The following MBD6 variants were observed in gnomAD, a reference collection of about 807,000 sequenced individuals.
MBD6 encodes the protein methyl-CpG binding domain protein 6.
In MBD6, 22 loss-of-function variants were observed where a neutral mutation model predicts 66.8. That is an observed-to-expected ratio of 0.33 (90% CI 0.24 to 0.47). The LOEUF (loss-of-function observed/expected upper bound fraction) is 0.47. Among genes scored for constraint, MBD6 ranks in the 20% least tolerant of loss-of-function variants. The pLI is 1.00. For synonymous variants in MBD6, 540 were observed against 534.6 expected (o/e 1.01, Z -0.14); for missense variants, 1,322 against 1,286.9 (o/e 1.03, Z -0.42).
At chr12:57,522,228 G>C (rs529968691), upstream of MBD6, among the ~76,000 whole-genome samples, 1 of 152,320 alleles carries the variant, frequency 6.6e-6, no homozygotes, top group Non-Finnish European at 1.5e-5. Flanking sequence ...CTGAAAATGG[G>C]GGTAGTGTGG....
Position 57,527,955 on chromosome 12 carries a change from G to C in MBD6, c.2344G>C (p.Gly782Arg). The change falls in exon 9 of 13, where the codon GGA becomes CGA. Residue 782 changes from glycine to arginine, a missense_variant. Gly to Arg is a moderately radical substitution (Grantham distance 125). Coordinates refer to ENST00000355673, the MANE Select transcript of MBD6 (RefSeq NM_052897.4). ...GGGGCTGCAGCTCCTCCCTGGGGGG[G>C]GAGCTCCTCCACCCCTCTCAGAGGC... ...QLGLQLLPGGGAPPPLSEASS... is the reference protein window; with the variant it reads ...QLGLQLLPGGRAPPPLSEASS... 1.9e-6 allele frequency: 3 copies of C among 1,595,074 alleles called. No homozygotes were observed. Among genetic ancestry groups the C allele is most frequent in the Non-Finnish European group, 2.6e-6 (3 of 1,172,412 alleles).
chr12:57,527,405 C>T (rs1284605), intron 7 of MBD6, 102 bp from the exon 8 acceptor site: 212,912 of 1,406,272 alleles, frequency 0.15, 17,289 homozygotes, highest in African/African-American at 0.23. Flanking sequence ...ATAAGCATGG[C>T]CTATCTCACT....
At position 57,526,140 on chromosome 12, in the gene MBD6, C is replaced by A. The variant is rs1214578069; in HGVS notation, c.1172C>A (p.Ala391Asp). Residue 391 changes from alanine to aspartate, a missense_variant, in exon 6 of 13, where the codon GCC becomes GAC. Transcript: ENST00000355673. ...ACCCCTAGACGGAGCCGTCCTCGGGCCCCTGCTCCTGTCCCCCAACCCTTT... is the reference window on the plus strand; with the variant it reads ...ACCCCTAGACGGAGCCGTCCTCGGGACCCTGCTCCTGTCCCCCAACCCTTT... ...PQTPRRSRPR[A>D]PAPVPQPFSL... 1.9e-6 allele frequency: 3 copies of A among 1,614,058 alleles called. No homozygotes were observed. Among genetic ancestry groups the A allele is most frequent in the South Asian group, 2.2e-5 (2 of 91,088 alleles).
rs149288193 is a variant in MBD6, at chr12:57,524,988, G to T, written c.252G>T (p.Pro84=). The change falls in exon 5 of 13, where the codon CCG becomes CCT. Residue 84 remains proline, a synonymous_variant. Coordinates refer to ENST00000355673, the MANE Select transcript of MBD6 (RefSeq NM_052897.4). ...TTGACCCTTTGGCCCCGGTGACCCCGGGTGGGGCTGGGGTGGGGCCAGCAT... is the reference window on the plus strand; with the variant it reads ...TTGACCCTTTGGCCCCGGTGACCCCTGGTGGGGCTGGGGTGGGGCCAGCAT... The part of the protein sequence containing the change: ...FNFDPLAPVT[P]GGAGVGPASE... The T allele has an allele frequency of 1.9e-6, 3 of 1,607,676 alleles. No individual in the cohort carries two copies. The highest frequency in any genetic ancestry group is 1.1e-5 in the South Asian group (1 of 90,714).
At chr12:57,524,522 C>G in intron 3 of MBD6, 106 bp downstream of exon 3, 1 of 1,152,732 alleles carries the variant, frequency 8.7e-7, no homozygotes, top group Non-Finnish European at 1.3e-6. Flanking sequence ...TTGCTCTCCT[C>G]TCTTCCCCTT....
Position 57,529,435 on chromosome 12 carries a change from C to CCA in MBD6, c.*202_*203insAC. 1 of 546,882 alleles carries CCA rather than the reference C, an allele frequency of 1.8e-6. No individual in the cohort carries two copies. The allele number at this position is 546,882 out of a possible 1,614,324, so 33.9% of individuals were successfully genotyped here. A position where few individuals can be genotyped will look rare whatever the true frequency, so the allele number is the denominator to read the frequency against. On this transcript the variant is annotated 3_prime_UTR_variant, in exon 13 of 13. Transcript: ENST00000355673. ...GGAAGTTCACCCCCCCCCACCACCC[C>CCA]CCCGCCCCCCCGAAGCCATGTCACT...
At chr12:57,522,767 G>GGCGGCGGCGGCGGCGGCGGCGGCGGCA (rs1389950261), upstream of MBD6, 1 of 158,468 alleles carries the variant, frequency 6.3e-6, no homozygotes, top group Admixed American at 6.6e-5. Flanking sequence ...CGACGGCGGC[G>GGCGGCGGCGGCGGCGGCGGCGGCGGCA]GCGGCAGCGG....
In MBD6 at chr12:57,529,244, C is replaced by G. The variant is rs376318609; in HGVS notation, c.*10C>G. ...GAAACTGGCCCCATAGCAGCCATACCTGGAGCTGGATCTGACCCTGATTGG... is the reference window on the plus strand; with the variant it reads ...GAAACTGGCCCCATAGCAGCCATACGTGGAGCTGGATCTGACCCTGATTGG... On this transcript the variant is annotated 3_prime_UTR_variant, in exon 13 of 13. Coordinates refer to ENST00000355673, the MANE Select transcript of MBD6 (RefSeq NM_052897.4). 5.6e-6 allele frequency: 9 copies of G among 1,613,894 alleles called. No homozygotes were observed. Among genetic ancestry groups the G allele is most frequent in the Non-Finnish European group, 7.6e-6 (9 of 1,179,974 alleles).
Position 57,525,789 on chromosome 12 carries a change from CGAGCAATAATCTCCCCG to C in MBD6, c.822_838del (p.Ser275ProfsTer41). On this transcript the variant is annotated frameshift_variant, in exon 6 of 13. Coordinates refer to ENST00000355673, the MANE Select transcript of MBD6 (RefSeq NM_052897.4). LOFTEE classifies it high-confidence loss of function. Reference sequence around the variant, plus strand: ...GCCTTAACACCCCCTCCCCTGCCCCCGAGCAATAATCTCCCCGCCCACCCTGGTCCTGCCTCTCAGCC... The same window carrying C: ...GCCTTAACACCCCCTCCCCTGCCCCCCCCACCCTGGTCCTGCCTCTCAGCC... The C allele has an allele frequency of 1.2e-6, 2 of 1,611,722 alleles. No homozygotes were observed. The highest frequency in any genetic ancestry group is 1.1e-5 in the South Asian group (1 of 90,944).
At chr12:57,524,528 C>T (rs764737534) in intron 3 of MBD6, 112 bp downstream of exon 3, 25 of 1,122,900 alleles carry the variant, frequency 2.2e-5, no homozygotes, top group Middle Eastern at 2.0e-4. Flanking sequence ...TCCTCTCTTC[C>T]CCTTCCTTCC....
At chr12:57,522,749 T>TGCG (rs1878459098), upstream of MBD6, 2 of 66,026 alleles carry the variant, frequency 3.0e-5, no homozygotes, top group Non-Finnish European at 6.1e-5. Context: ...CGGCGGCGGC[T>TGCG]GCGGCAGCGA....
At position 57,525,352 on chromosome 12, in the gene MBD6, G is replaced by A. The variant is rs757512683; in HGVS notation, c.384G>A (p.Glu128=). 9.6e-6 allele frequency: 15 copies of A among 1,563,570 alleles called. No individual in the cohort carries two copies. In the South Asian group the frequency reaches 1.6e-4, roughly 17 times the overall value. ...TTCATTTTTCATTTATTGCAGGAGA[G>A]GGAGCGAGCCCCCAAATGTTCCACA... ...ETTCSHSSPG[E]GASPQMFHTV... Residue 128 remains glutamate, a synonymous_variant, in exon 6 of 13, where the codon GAG becomes GAA. Coordinates refer to ENST00000355673, the MANE Select transcript of MBD6 (RefSeq NM_052897.4).
chr12:57,524,360 A>G lies in MBD6; in HGVS notation c.57A>G (p.Thr19=). The stretch of plus-strand genomic sequence containing the variant: ...ACAGAGCTGGGGGCCCTGTGGCCAC[A>G]TCTGTCCCCATCGGCTGGCAGCGCT... ...GADRAGGPVA[T]SVPIGWQRCV... is the part of the protein sequence containing the mutation. The change falls in exon 3 of 13, where the codon ACA becomes ACG. Residue 19 remains threonine, a synonymous_variant. Coordinates refer to ENST00000355673, the MANE Select transcript of MBD6 (RefSeq NM_052897.4). 1 of 1,600,092 alleles carries G rather than the reference A, an allele frequency of 6.2e-7. No homozygotes were observed. Among genetic ancestry groups the G allele is most frequent in the Non-Finnish European group, 8.5e-7 (1 of 1,173,232 alleles).
rs1394091323 is a variant in MBD6 at position 57,526,890 on chromosome 12, G to T, written c.1745G>T (p.Gly582Val). 1.9e-6 allele frequency: 3 copies of T among 1,613,402 alleles called. No individual in the cohort carries two copies. In the African/African-American group the frequency reaches 4.0e-5, roughly 22 times the overall value. Residue 582 changes from glycine (G) to valine (V), a missense_variant, in exon 7 of 13, where the codon GGA becomes GTA. Coordinates refer to ENST00000355673, the MANE Select transcript of MBD6 (RefSeq NM_052897.4). ...GAGCCCCTGCTACCCCCACCAGGAG[G>T]ACCTGGTCCTCCCCTAGCCCCAGGA... ...PPEPLLPPPG[G>V]PGPPLAPGEP...
downstream of MBD6, chr12:57,530,919 T>A (rs959719707): frequency 2.8e-6 from 2 of 719,522 alleles, no homozygotes; most frequent in Non-Finnish European, 4.8e-6. Flanking sequence ...TAGCACCAAT[T>A]TTCAAGCTAC....
Position 57,525,516 on chromosome 12 carries a change from G to C in MBD6, c.548G>C (p.Gly183Ala). ...QAFPTLAGPG[G>A]LFPPRLADPV... ...TTTCCCACTCTAGCAGGCCCTGGGG[G>C]GCTTTTCCCCCCAAGGCTTGCTGAC... Residue 183 changes from glycine to alanine, a missense_variant, in exon 6 of 13, where the codon GGG (glycine) becomes GCG (alanine). Physicochemically the swap from Gly to Ala is moderately conservative, Grantham distance 60 (BLOSUM62 0). Transcript: ENST00000355673. 1 of 1,570,890 alleles carries C rather than the reference G, an allele frequency of 6.4e-7. No individual in the cohort carries two copies. Among genetic ancestry groups the C allele is most frequent in the Non-Finnish European group, 8.6e-7 (1 of 1,160,148 alleles).
chr12:57,527,249 T>C (rs1307853121), intron 7 of MBD6, 22 bp downstream of exon 7: 2 of 1,430,272 alleles, frequency 1.4e-6, no homozygotes, highest in Non-Finnish European at 1.9e-6. Flanking sequence ...GGTGAGTAGG[T>C]GGGACAGAAC....
intron 9 of MBD6, 28 bp from the exon 10 acceptor site, chr12:57,528,119 G>C: frequency 6.4e-7 from 1 of 1,560,994 alleles, no homozygotes; most frequent in Non-Finnish European, 8.6e-7. Context: ...ATTTGAGATT[G>C]ACTGAGAACT....
chr12:57,525,798 A>G lies in MBD6; in HGVS notation c.830A>G (p.Asn277Ser), dbSNP rs1294904937. The G allele has an allele frequency of 6.2e-7, 1 of 1,605,918 alleles. No individual in the cohort carries two copies. The highest frequency in any genetic ancestry group is 1.7e-5 in the Admixed American group (1 of 59,570). Reference sequence around the variant, plus strand: ...CCCCCTCCCCTGCCCCCGAGCAATAATCTCCCCGCCCACCCTGGTCCTGCC... The same window carrying G: ...CCCCCTCCCCTGCCCCCGAGCAATAGTCTCCCCGCCCACCCTGGTCCTGCC... Reference protein sequence around the residue: ...LTPPPLPPSNNLPAHPGPASQ... With the variant: ...LTPPPLPPSNSLPAHPGPASQ... The change falls in exon 6 of 13, where the codon AAT becomes AGT. Residue 277 changes from asparagine to serine, a missense_variant. By Grantham distance (46) the Asn-to-Ser change is conservative. Coordinates refer to ENST00000355673, the MANE Select transcript of MBD6 (RefSeq NM_052897.4).
Sources: gnomAD v4.1 joint callset for allele counts (sites outside exome capture counted in the v4.1 genomes callset) on GRCh38, gnomAD v4.1.1 for gene constraint, MANE v1.5 for transcripts, NCBI Gene and HGNC (gene_info 2026-07-23, HGNC 2026-07-21) for gene names.